The following EXOC4 variants were observed in gnomAD, a reference collection of about 807,000 sequenced individuals.
EXOC4 encodes SEC8-like 1.
A neutral mutation model predicts 107.2 loss-of-function variants in EXOC4; 71 were observed. The observed-to-expected ratio is 0.66, with a 90% CI of 0.55 to 0.81. The LOEUF is 0.81. Among genes scored for constraint, EXOC4 ranks in the 30% least tolerant of loss-of-function variants. EXOC4 has a pLI of 0.00. For synonymous variants in EXOC4, 456 were observed against 441.2 expected (o/e 1.03, Z -0.42); for missense variants, 1,108 against 1,189.6 (o/e 0.93, Z 1.01).
chr7:133,975,835 A>G (rs1458095701), intron 14 of EXOC4, among the ~76,000 whole-genome samples: 1 of 152,180 alleles, frequency 6.6e-6, no homozygotes, highest in African/African-American at 2.4e-5. Context: ...AAATTGGGAA[A>G]CTGAGTCACA....
At chr7:133,966,881 G>C (rs1418765924) in intron 14 of EXOC4, among the ~76,000 whole-genome samples, 1 of 152,146 alleles carries the variant, frequency 6.6e-6, no homozygotes, top group Non-Finnish European at 1.5e-5. Context: ...CTATTGTTTG[G>C]AATAGTTTCA....
intron 9 of EXOC4, among the ~76,000 whole-genome samples, chr7:133,542,216 C>T (rs1320016856): frequency 1.4e-5 from 2 of 140,648 alleles, no homozygotes; most frequent in Non-Finnish European, 3.1e-5. Flanking sequence ...GAATGAAGAC[C>T]CAAAGAAATG....
intron 11 of EXOC4, among the ~76,000 whole-genome samples, chr7:133,861,561 G>A (rs567521397): frequency 1.1e-4 from 16 of 152,218 alleles, no homozygotes; most frequent in Non-Finnish European, 1.6e-4. Context: ...TTGTGACAGA[G>A]TCTCCCTCTT....
chr7:133,786,082 A>G (rs1474645349), intron 10 of EXOC4, among the ~76,000 whole-genome samples: 1 of 152,250 alleles, frequency 6.6e-6, no homozygotes, highest in Admixed American at 6.5e-5. Context: ...AAAGGGTTCT[A>G]TTTGGTAAAT....
chr7:133,457,513 T>C (rs1798490887), intron 7 of EXOC4, among the ~76,000 whole-genome samples: 1 of 152,164 alleles, frequency 6.6e-6, no homozygotes, highest in Non-Finnish European at 1.5e-5. Context: ...GCTCGCCATA[T>C]TGAGTGGGAT....
chr7:133,737,458 ATTTT>A (rs1562976859), intron 10 of EXOC4, among the ~76,000 whole-genome samples: 1 of 150,352 alleles, frequency 6.7e-6, no homozygotes, highest in African/African-American at 2.4e-5. Flanking sequence ...AAGCTTATTA[ATTTT>A]TTTTCTGACC....
intron 17 of EXOC4, among the ~76,000 whole-genome samples, chr7:134,050,016 C>G (rs769675587): frequency 6.6e-6 from 1 of 152,152 alleles, no homozygotes; most frequent in Non-Finnish European, 1.5e-5. Context: ...GAAATGGAAC[C>G]TTCTCCAGGC....
intron 9 of EXOC4, among the ~76,000 whole-genome samples, chr7:133,598,584 G>A (rs1585023116): frequency 6.6e-6 from 1 of 152,184 alleles, no homozygotes; most frequent in Non-Finnish European, 1.5e-5. Flanking sequence ...GAACAACTAG[G>A]GTATGTGAGT....
At chr7:134,041,774 C>G (rs1034771454) in intron 17 of EXOC4, among the ~76,000 whole-genome samples, 2 of 152,178 alleles carry the variant, frequency 1.3e-5, no homozygotes, top group Non-Finnish European at 2.9e-5. Flanking sequence ...AAGGAAACAG[C>G]AAGAATGCTT....
At chr7:133,417,982 A>G (rs866565412) in intron 7 of EXOC4, among the ~76,000 whole-genome samples, 2 of 152,202 alleles carry the variant, frequency 1.3e-5, no homozygotes, top group Admixed American at 6.5e-5. Context: ...TGTCTCTTCC[A>G]TGTTTTACTA....
intron 2 of EXOC4, among the ~76,000 whole-genome samples, chr7:133,282,688 A>G (rs1794184491): frequency 6.6e-6 from 1 of 152,018 alleles, no homozygotes. Flanking sequence ...TGTAGTAGAG[A>G]GCATGATGTT....
At chr7:133,691,170 TTAAG>T (rs2151077311) in intron 10 of EXOC4, among the ~76,000 whole-genome samples, 2 of 152,302 alleles carry the variant, frequency 1.3e-5, no homozygotes, top group African/African-American at 4.8e-5. Context: ...ACAGATGCAA[TTAAG>T]TAAGCTAAAC....
At chr7:133,347,661 A>C (rs975652798) in intron 5 of EXOC4, among the ~76,000 whole-genome samples, 1 of 152,198 alleles carries the variant, frequency 6.6e-6, no homozygotes, top group Non-Finnish European at 1.5e-5. Flanking sequence ...TCATGATTCC[A>C]TTCTTAGCTT....
chr7:133,976,501 A>C (rs1423238248), intron 14 of EXOC4, among the ~76,000 whole-genome samples: 1 of 152,212 alleles, frequency 6.6e-6, no homozygotes, highest in Non-Finnish European at 1.5e-5. Context: ...TTCTCAAAAC[A>C]GAGTGAAGAA....
At chr7:133,906,608 G>A (rs919313850) in intron 12 of EXOC4, among the ~76,000 whole-genome samples, 9 of 152,206 alleles carry the variant, frequency 5.9e-5, no homozygotes, top group Non-Finnish European at 8.8e-5. Flanking sequence ...TGGGAGCTCT[G>A]TTTTCACTCT....
At chr7:133,682,675 C>A (rs1794212862) in intron 10 of EXOC4, among the ~76,000 whole-genome samples, 1 of 152,190 alleles carries the variant, frequency 6.6e-6, no homozygotes, top group Non-Finnish European at 1.5e-5. Context: ...GAAGGGCAAA[C>A]CCTGAGCACT....
At chr7:134,077,131 C>T in the EXOC4 span, among the ~76,000 whole-genome samples, 3 of 152,020 alleles carry the variant, frequency 2.0e-5, no homozygotes, top group Non-Finnish European at 2.9e-5. Context: ...GTCTGGAGGC[C>T]TGAAAACGAG....
chr7:133,659,424 T>A (rs1803385449), intron 10 of EXOC4, among the ~76,000 whole-genome samples: 1 of 152,146 alleles, frequency 6.6e-6, no homozygotes, highest in Non-Finnish European at 1.5e-5. Flanking sequence ...TCTAAGGGCC[T>A]TGTCCCATGC....
intron 14 of EXOC4, among the ~76,000 whole-genome samples, chr7:133,968,614 G>C (rs566359973): frequency 6.6e-6 from 1 of 152,094 alleles, no homozygotes; most frequent in African/African-American, 2.4e-5. Context: ...AGTTTGGCTG[G>C]ATATGAAATT....
Sources: allele counts gnomAD v4.1 joint callset (sites outside exome capture counted in the v4.1 genomes callset), GRCh38; gene constraint gnomAD v4.1.1; transcripts MANE v1.5; gene names NCBI Gene and HGNC (gene_info 2026-07-23, HGNC 2026-07-21).